The following ABLIM3 variants were observed in gnomAD, a reference collection of about 807,000 sequenced individuals.
The protein encoded by ABLIM3 is actin-binding LIM protein 3.
A neutral mutation model predicts 109.5 loss-of-function variants in ABLIM3; 61 were observed. The ratio of observed to expected loss-of-function variants is 0.56; its 90% CI spans 0.45 to 0.69. ABLIM3 has a LOEUF of 0.69. Among genes scored for constraint, ABLIM3 ranks in the 30% least tolerant of loss-of-function variants. The pLI is 0.00. For synonymous variants in ABLIM3, 300 were observed against 324.8 expected (o/e 0.92, Z 0.82); for missense variants, 796 against 889.5 (o/e 0.89, Z 1.34).
chr5:149,206,919 C>T lies in ABLIM3; in HGVS notation c.449-89C>T, dbSNP rs943990259. 1.9e-5 allele frequency: 29 copies of T among 1,524,662 alleles called. No homozygotes were observed. In the South Asian group the frequency reaches 3.5e-4, roughly 19 times the overall value. The allele number at this position is 1,524,662 out of a possible 1,614,324, so 94.4% of individuals were successfully genotyped here. ...GAGCAACTATGGGAACACTGGCATT[C>T]AGGGAGGGGTTTCCTTGACGTGGGC... is the stretch of plus-strand genomic sequence containing the variant. On this transcript the variant is annotated intron_variant, in intron 5 of 23. Coordinates refer to ENST00000309868, the MANE Select transcript of ABLIM3 (RefSeq NM_014945.5).
chr5:149,143,663 C>T (rs920488458), intron 2 of ABLIM3, among the ~76,000 whole-genome samples: 16 of 152,116 alleles, frequency 1.1e-4, no homozygotes, highest in African/African-American at 3.4e-4. Flanking sequence ...GCTAAGCTAG[C>T]GAGTGTGGCT....
chr5:149,225,974 GTGTGTGTGTATATATATA>G (rs1202962143), intron 8 of ABLIM3, among the ~76,000 whole-genome samples: 191 of 92,172 alleles, frequency 2.1e-3, no homozygotes, highest in Middle Eastern at 5.4e-3. Flanking sequence ...GTGTGTGTGT[GTGTGTGTGTATATATATA>G]TATATATATA....
rs558473077 is a variant in ABLIM3 at position 149,246,628 on chromosome 5, A to G, written c.1551+82A>G. ...TTTTCATTTACAAGCAACAAAAAACAGATTCAAGCCCACTTATGATAGAAA... is the reference window on the plus strand; with the variant it reads ...TTTTCATTTACAAGCAACAAAAAACGGATTCAAGCCCACTTATGATAGAAA... On this transcript the variant is annotated intron_variant, in intron 17 of 23. Transcript: ENST00000309868. 113 of 1,446,748 alleles carry G rather than the reference A, an allele frequency of 7.8e-5. No individual in the cohort carries two copies. In the African/African-American group the frequency reaches 1.5e-3, roughly 19 times the overall value. The allele number at this position is 1,446,748 out of a possible 1,614,324, so 89.6% of individuals were successfully genotyped here. A position where few individuals can be genotyped will look rare whatever the true frequency, so the allele number is the denominator to read the frequency against.
Position 149,230,576 on chromosome 5 carries a change from T to G in ABLIM3, c.758-73T>G, listed in dbSNP as rs950901009. On this transcript the variant is annotated intron_variant, in intron 8 of 23. Coordinates refer to ENST00000309868, the MANE Select transcript of ABLIM3 (RefSeq NM_014945.5). ...GGACATACGCTGACCACGGAGTGAATCAAGGTGGGACATGGGGAGAGTGCT... is the reference window on the plus strand; with the variant it reads ...GGACATACGCTGACCACGGAGTGAAGCAAGGTGGGACATGGGGAGAGTGCT... The G allele has an allele frequency of 4.6e-6, 7 of 1,521,652 alleles. No homozygotes were observed. In the African/African-American group the frequency reaches 9.6e-5, roughly 21 times the overall value. The allele number at this position is 1,521,652 out of a possible 1,614,324, so 94.3% of individuals were successfully genotyped here. A position where few individuals can be genotyped will look rare whatever the true frequency, so the allele number is the denominator to read the frequency against.
chr5:149,237,358 T>A, intron 10 of ABLIM3, 90 bp from the exon 11 acceptor site: 1 of 1,328,800 alleles, frequency 7.5e-7, no homozygotes, highest in Non-Finnish European at 1.0e-6. Flanking sequence ...AGAAGTTTGT[T>A]CCTTCTGTAT....
intron 23 of ABLIM3, among the ~76,000 whole-genome samples, chr5:149,253,670 A>G (rs932822984): frequency 2.0e-5 from 3 of 152,218 alleles, no homozygotes; most frequent in Non-Finnish European, 4.4e-5. Context: ...AGAGGAGAAC[A>G]GCATAAATAA....
chr5:149,146,274 C>T (rs1251831222), intron 2 of ABLIM3, among the ~76,000 whole-genome samples: 1 of 152,146 alleles, frequency 6.6e-6, no homozygotes. Context: ...TGTCTGTTTA[C>T]TCTGTTGATA....
At chr5:149,190,767 A>G (rs978635979) in intron 3 of ABLIM3, among the ~76,000 whole-genome samples, 2 of 152,206 alleles carry the variant, frequency 1.3e-5, no homozygotes, top group Non-Finnish European at 2.9e-5. Context: ...ACCAACAACA[A>G]ACTCTCATTA....
intron 10 of ABLIM3, among the ~76,000 whole-genome samples, 190 bp downstream of exon 10, chr5:149,233,490 A>C (rs1222163010): frequency 2.6e-5 from 4 of 152,224 alleles, no homozygotes; most frequent in Admixed American, 2.6e-4. Context: ...TCCCGCCCTC[A>C]TGAAGCAAAC....
chr5:149,247,939 G>T lies in ABLIM3; in HGVS notation c.1699+10G>T. On this transcript the variant is annotated intron_variant, in intron 18 of 23. Coordinates refer to ENST00000309868, the MANE Select transcript of ABLIM3 (RefSeq NM_014945.5). ...ATGTCCCTCAATGGCTGTAAGCATGGCTCTGGAAGCCCAACGGGGCGGGGA... is the reference window on the plus strand; with the variant it reads ...ATGTCCCTCAATGGCTGTAAGCATGTCTCTGGAAGCCCAACGGGGCGGGGA... 1 of 1,612,620 alleles carries T rather than the reference G, an allele frequency of 6.2e-7. No homozygotes were observed. Among genetic ancestry groups the T allele is most frequent in the Non-Finnish European group, 8.5e-7 (1 of 1,179,074 alleles).
intron 15 of ABLIM3, among the ~76,000 whole-genome samples, chr5:149,242,793 C>T (rs903597146): frequency 3.3e-5 from 5 of 152,236 alleles, no homozygotes; most frequent in African/African-American, 1.2e-4. Context: ...TCTCTGTCAT[C>T]CTAAGTTCCA....
chr5:149,206,491 T>G (rs1758986833), intron 5 of ABLIM3, among the ~76,000 whole-genome samples: 1 of 152,216 alleles, frequency 6.6e-6, no homozygotes, highest in African/African-American at 2.4e-5. Context: ...AACCACAAAA[T>G]ATAAACACAG....
At chr5:149,166,005 G>T (rs930256677) in intron 2 of ABLIM3, among the ~76,000 whole-genome samples, 1 of 152,190 alleles carries the variant, frequency 6.6e-6, no homozygotes, top group Admixed American at 6.5e-5. Flanking sequence ...AGTTTATTTT[G>T]TCCTCATGGC....
intron 14 of ABLIM3, 102 bp from the exon 15 acceptor site, chr5:149,242,389 C>G (rs770355563): frequency 8.2e-7 from 1 of 1,217,410 alleles, no homozygotes; most frequent in Non-Finnish European, 1.2e-6. Context: ...TTGCCCATCT[C>G]TCTCTTCTGA....
rs1752324775 is a variant in ABLIM3, at chr5:149,237,502, G to A, written c.943G>A (p.Val315Ile). The A allele has an allele frequency of 5.6e-6, 9 of 1,614,140 alleles. No individual in the cohort carries two copies. The highest frequency in any genetic ancestry group is 7.6e-6 in the Non-Finnish European group (9 of 1,180,044). ...CAAAGACCTGGCGGCTCTCCCCAAG[G>A]TTAAGTCTATCTACGAGGTACAACG... ...NYKDLAALPK[V>I]KSIYEVQRPD... Residue 315 changes from valine to isoleucine, a missense_variant, in exon 11 of 24, where the codon GTT (valine) becomes ATT (isoleucine). Transcript: ENST00000309868.
intron 9 of ABLIM3, 143 bp from the exon 10 acceptor site, chr5:149,233,082 AAGAC>A (rs1762015683): frequency 2.8e-6 from 2 of 714,086 alleles, no homozygotes; most frequent in Non-Finnish European, 4.8e-6. Context: ...CTTGACTTGA[AAGAC>A]AGAGAATAAA....
At chr5:149,182,458 C>G (rs879449522) in intron 2 of ABLIM3, among the ~76,000 whole-genome samples, 11 of 152,174 alleles carry the variant, frequency 7.2e-5, no homozygotes, top group Admixed American at 2.0e-4. Context: ...AAAGTTACCT[C>G]AACAGCTTAT....
chr5:149,256,651 T>C (rs933481673), intron 23 of ABLIM3, among the ~76,000 whole-genome samples: 1 of 152,258 alleles, frequency 6.6e-6, no homozygotes, highest in African/African-American at 2.4e-5. Flanking sequence ...TGAGAAAATA[T>C]TCAGTGTGTT....
At position 149,259,360 on chromosome 5, in the gene ABLIM3, A is replaced by G; in HGVS notation, c.*956A>G. 1 of 1,452,748 alleles carries G rather than the reference A, an allele frequency of 6.9e-7. No individual in the cohort carries two copies. Among genetic ancestry groups the G allele is most frequent in the South Asian group, 1.4e-5 (1 of 69,670 alleles). The allele number at this position is 1,452,748 out of a possible 1,614,324, so 90.0% of individuals were successfully genotyped here. A position where few individuals can be genotyped will look rare whatever the true frequency, so the allele number is the denominator to read the frequency against. ...GACAACTCAACACACCGCAGGGCTA[A>G]TGTTCCCACCAGAGCTCCAACTGAA... On this transcript the variant is annotated 3_prime_UTR_variant, in exon 24 of 24. Coordinates refer to ENST00000309868, the MANE Select transcript of ABLIM3 (RefSeq NM_014945.5).
Sources: allele counts gnomAD v4.1 joint callset (sites outside exome capture counted in the v4.1 genomes callset), GRCh38; gene constraint gnomAD v4.1.1; transcripts MANE v1.5; gene names NCBI Gene and HGNC (gene_info 2026-07-23, HGNC 2026-07-21).